Variants in SLC5A1 observed in about 807,000 individuals in gnomAD.
SLC5A1 encodes solute carrier family 5 member 1, also known as sodium/glucose cotransporter 1.
In SLC5A1, 42 loss-of-function variants were observed where a neutral mutation model predicts 73.5. That is an observed-to-expected ratio of 0.57 (90% CI 0.45 to 0.74). The LOEUF is 0.74. SLC5A1 is among the 30% of genes least tolerant of loss of function. SLC5A1 has a pLI of 0.00. For missense variants in SLC5A1, 634 were observed against 855.4 expected (o/e 0.74, Z 3.23); for synonymous variants, 300 against 317.4 (o/e 0.95, Z 0.58).
At chr22:32,106,207 T>G (rs2094045381) in intron 14 of SLC5A1, among the ~76,000 whole-genome samples, 1 of 152,222 alleles carries the variant, frequency 6.6e-6, no homozygotes. Flanking sequence ...CCACCAACAG[T>G]GTACATCCTC....
At chr22:32,101,055 T>C (rs1274010831) in intron 12 of SLC5A1, among the ~76,000 whole-genome samples, 1 of 152,060 alleles carries the variant, frequency 6.6e-6, no homozygotes, top group Non-Finnish European at 1.5e-5. Context: ...GAGCCTGTAT[T>C]CTCCCAGATA....
intron 13 of SLC5A1, among the ~76,000 whole-genome samples, chr22:32,103,454 T>C (rs1254833607): frequency 6.6e-6 from 1 of 152,238 alleles, no homozygotes; most frequent in African/African-American, 2.4e-5. Flanking sequence ...CAGGCTGATA[T>C]CAAGCCCATG....
At chr22:32,093,668 TA>T (rs2094021864) in intron 11 of SLC5A1, among the ~76,000 whole-genome samples, 1 of 152,184 alleles carries the variant, frequency 6.6e-6, no homozygotes, top group African/African-American at 2.4e-5. Context: ...GTAGCAGAGC[TA>T]CTGATTTGTG....
intron 13 of SLC5A1, among the ~76,000 whole-genome samples, chr22:32,104,309 T>G (rs774996376): frequency 1.3e-5 from 2 of 152,256 alleles, no homozygotes; most frequent in African/African-American, 2.4e-5. Context: ...ATTTGGTTCA[T>G]GCTCTTGACT....
chr22:32,081,981 T>C lies in SLC5A1; in HGVS notation c.583+10T>C. 1.9e-6 allele frequency: 3 copies of C among 1,571,012 alleles called. No individual in the cohort carries two copies. The highest frequency in any genetic ancestry group is 2.6e-6 in the Non-Finnish European group (3 of 1,140,692). On this transcript the variant is annotated intron_variant, in intron 6 of 14. Coordinates refer to ENST00000266088, the MANE Select transcript of SLC5A1 (RefSeq NM_000343.4). ...CTTTACACAATTACAGGTGAGTCCATTCAAATAAACCAGCACCTCAAACCC... is the reference window on the plus strand; with the variant it reads ...CTTTACACAATTACAGGTGAGTCCACTCAAATAAACCAGCACCTCAAACCC...
intron 14 of SLC5A1, among the ~76,000 whole-genome samples, chr22:32,105,470 T>C (rs2094044011): frequency 6.6e-6 from 1 of 151,854 alleles, no homozygotes; most frequent in Non-Finnish European, 1.5e-5. Flanking sequence ...ATTTTGTATG[T>C]TTTTAGTAGA....
At chr22:32,052,684 T>A (rs2093946598) in intron 2 of SLC5A1, among the ~76,000 whole-genome samples, 1 of 152,184 alleles carries the variant, frequency 6.6e-6, no homozygotes, top group East Asian at 1.9e-4. Flanking sequence ...CTTATCCCAG[T>A]GCCCTGTGAT....
At position 32,067,048 on chromosome 22, in the gene SLC5A1, C is replaced by T; in HGVS notation, c.312+9C>T. 1 of 1,592,874 alleles carries T rather than the reference C, an allele frequency of 6.3e-7. No individual in the cohort carries two copies. Among genetic ancestry groups the T allele is most frequent in the South Asian group, 1.1e-5 (1 of 90,578 alleles). Reference sequence around the variant, plus strand: ...GAGGCTTTGAATGGAATGTGAGTAACACTGCAGCCATGGTGCACTGGGGCT... The same window carrying T: ...GAGGCTTTGAATGGAATGTGAGTAATACTGCAGCCATGGTGCACTGGGGCT... On this transcript the variant is annotated intron_variant, in intron 3 of 14. Transcript: ENST00000266088.
intron 5 of SLC5A1, among the ~76,000 whole-genome samples, chr22:32,069,549 C>T (rs1462641498): frequency 6.6e-6 from 1 of 151,768 alleles, no homozygotes; most frequent in Non-Finnish European, 1.5e-5. Flanking sequence ...AGTGTTTTCA[C>T]CACAAAAAAG....
intron 2 of SLC5A1, among the ~76,000 whole-genome samples, chr22:32,057,605 T>G (rs1407356431): frequency 6.6e-6 from 1 of 152,120 alleles, no homozygotes; most frequent in Non-Finnish European, 1.5e-5. Context: ...TGATCCTGAG[T>G]GTGCACATGC....
intron 10 of SLC5A1, among the ~76,000 whole-genome samples, chr22:32,086,924 A>G (rs1362413892): frequency 6.6e-6 from 1 of 152,232 alleles, no homozygotes; most frequent in East Asian, 1.9e-4. Context: ...GATACTATTC[A>G]CCCTCAAAAA....
intron 2 of SLC5A1, among the ~76,000 whole-genome samples, chr22:32,060,120 TAC>T (rs1569302183): frequency 3.6e-5 from 5 of 138,616 alleles, no homozygotes; most frequent in South Asian, 2.3e-4. Flanking sequence ...CACATATATA[TAC>T]ATACACACAT....
At chr22:32,051,022 C>T (rs1603103197) in intron 2 of SLC5A1, among the ~76,000 whole-genome samples, 1 of 152,260 alleles carries the variant, frequency 6.6e-6, no homozygotes, top group East Asian at 1.9e-4. Context: ...GGCTGAGCTT[C>T]GAAGGGGAAT....
rs121912669 is a variant in SLC5A1, at chr22:32,043,364, A to G, written c.83A>G (p.Asp28Gly). ...CACGAGCTCATTCGCAATGCAGCCG[A>G]TATCTCCATCATCGTTATCTACTTC... ...ETHELIRNAA[D>G]ISIIVIYFVV... is the part of the protein sequence containing the mutation. The change falls in exon 1 of 15, where the codon GAT (aspartate) becomes GGT (glycine). Residue 28 changes from aspartate (D) to glycine (G), a missense_variant. Physicochemically the swap from Asp to Gly is moderately conservative, Grantham distance 94. Around this residue, in one of 3 missense-constraint regions of SLC5A1, gnomAD observed 51 missense variants for 50.5 expected, o/e 1.01. Coordinates refer to ENST00000266088, the MANE Select transcript of SLC5A1 (RefSeq NM_000343.4). This position sits in a 1 kb window ranked among gnomAD's most constrained non-coding sequence, Gnocchi z 6.5. 5.0e-6 allele frequency: 8 copies of G among 1,614,068 alleles called. No homozygotes were observed. Among genetic ancestry groups the G allele is most frequent in the Middle Eastern group, 1.6e-4 (1 of 6,084 alleles).
chr22:32,084,385 G>A (rs1400489372), intron 7 of SLC5A1, 54 bp from the exon 8 acceptor site: 4 of 1,493,772 alleles, frequency 2.7e-6, no homozygotes, highest in Non-Finnish European at 3.7e-6. Flanking sequence ...GAAAGAAGCT[G>A]CTATGACGAG....
chr22:32,050,156 A>G, intron 2 of SLC5A1, 142 bp downstream of exon 2: 2 of 784,348 alleles, frequency 2.5e-6, no homozygotes, highest in South Asian at 1.4e-5. Context: ...TCTCATGCTC[A>G]TCGGGTCTCC....
intron 10 of SLC5A1, among the ~76,000 whole-genome samples, chr22:32,091,298 A>AACACACACACACAC (rs67059150): frequency 7.2e-5 from 10 of 138,944 alleles, no homozygotes; most frequent in Non-Finnish European, 1.3e-4. Context: ...CACATACACA[A>AACACACACACACAC]ACACACACAC....
chr22:32,099,268 A>G lies in SLC5A1; in HGVS notation c.1366A>G (p.Ile456Val), dbSNP rs1425979308. 1 of 1,613,588 alleles carries G rather than the reference A, an allele frequency of 6.2e-7. No individual in the cohort carries two copies. Among genetic ancestry groups the G allele is most frequent in the Non-Finnish European group, 8.5e-7 (1 of 1,179,904 alleles). The change falls in exon 12 of 15, where the codon ATC becomes GTC. Residue 456 changes from isoleucine to valine, a missense_variant. By Grantham distance (29) the Ile-to-Val change is conservative. This residue lies in a region of SLC5A1 where 422 missense variants were observed against 626.1 expected (regional missense o/e 0.67). Coordinates refer to ENST00000266088, the MANE Select transcript of SLC5A1 (RefSeq NM_000343.4). ...SAQSGQLFDY[I>V]QSITSYLGPP... ...ACAAAGTGGGCAACTCTTCGATTAC[A>G]TCCAGTCCATCACCAGTTACTTGGG...
rs33996796 is a variant in SLC5A1, at chr22:32,102,165, T to G, written c.1593T>G (p.Ile531Met). ...GGGTGCACTACTTGTACTTTGCCATTATCCTCTTCGCCATTTCTTTCATCA... is the reference window on the plus strand; with the variant it reads ...GGGTGCACTACTTGTACTTTGCCATGATCCTCTTCGCCATTTCTTTCATCA... Reference protein sequence around the residue: ...ICGVHYLYFAIILFAISFITI... With the variant: ...ICGVHYLYFAMILFAISFITI... Residue 531 changes from isoleucine (I) to methionine (M), a missense_variant, in exon 13 of 15, where the codon ATT becomes ATG. Ile to Met is a conservative substitution (Grantham distance 10, BLOSUM62 1). Around this residue, in one of 3 missense-constraint regions of SLC5A1, gnomAD observed 161 missense variants for 178.7 expected, o/e 0.90. Coordinates refer to ENST00000266088, the MANE Select transcript of SLC5A1 (RefSeq NM_000343.4). 7 of 1,613,994 alleles carry G rather than the reference T, an allele frequency of 4.3e-6. No individual in the cohort carries two copies. The African/African-American group carries it at 9.3e-5, about 22-fold the overall frequency.
Sources: gnomAD v4.1 joint callset for allele counts (sites outside exome capture counted in the v4.1 genomes callset) on GRCh38, gnomAD v4.1.1 for gene constraint, gnomAD v4.1.1 regional missense constraint, Gnocchi (gnomAD v3.1) non-coding constraint, MANE v1.5 for transcripts, NCBI Gene and HGNC (gene_info 2026-07-23, HGNC 2026-07-21) for gene names.